GRIA2: variants seen among roughly 807,000 people sequenced by gnomAD.
The protein encoded by GRIA2 is glutamate ionotropic receptor AMPA type subunit 2.
In GRIA2, 14 loss-of-function variants were observed where a neutral mutation model predicts 97.3. The ratio of observed to expected loss-of-function variants is 0.14; its 90% confidence interval spans 0.10 to 0.23. The LOEUF (loss-of-function observed/expected upper bound fraction) is 0.23, where lower values mean the gene tolerates loss of function less well. Among genes scored for constraint, GRIA2 ranks in the 10% least tolerant of loss-of-function variants. The pLI, the probability that GRIA2 is intolerant of heterozygous loss-of-function variation, is 1.00. For missense variants in GRIA2, 558 were observed against 1,069.8 expected, an observed-to-expected ratio of 0.52 and a Z score of 6.67; for synonymous variants, 412 against 387.8, an observed-to-expected ratio of 1.06 and a Z score of -0.73.
At chr4:157,323,417 G>A (rs962903068) in intron 6 of GRIA2, among the ~76,000 whole-genome samples, 2 of 147,360 alleles carry the variant, frequency 1.4e-5, no homozygotes, top group South Asian at 2.2e-4. Context: ...AGGCTTCTGA[G>A]CAGGTAGATG....
intron 12 of GRIA2, among the ~76,000 whole-genome samples, chr4:157,353,537 G>A (rs1736112725): frequency 6.6e-6 from 1 of 151,786 alleles, no homozygotes; most frequent in East Asian, 1.9e-4. Flanking sequence ...TTAGCCAGGT[G>A]TGGTGGTGGG....
At chr4:157,319,878 A>T (rs537108894) in intron 5 of GRIA2, among the ~76,000 whole-genome samples, 1 of 152,248 alleles carries the variant, frequency 6.6e-6, no homozygotes, top group African/African-American at 2.4e-5. Flanking sequence ...AAATAAGGTG[A>T]TGAAGAAGTG....
At chr4:157,352,176 T>C (rs1736037142) in intron 12 of GRIA2, among the ~76,000 whole-genome samples, 4 of 152,224 alleles carry the variant, frequency 2.6e-5, no homozygotes, top group Non-Finnish European at 5.9e-5. Flanking sequence ...TTTTTATTTT[T>C]ACCAAAACAT....
chr4:157,299,562 A>G (rs932338840), intron 2 of GRIA2, among the ~76,000 whole-genome samples: 58 of 152,198 alleles, frequency 3.8e-4, no homozygotes, highest in African/African-American at 1.3e-3. Context: ...TTCAGCATAC[A>G]GACTGTATCA....
At chr4:157,360,168 G>A in intron 13 of GRIA2, 25 bp downstream of exon 13, 1 of 1,604,100 alleles carries the variant, frequency 6.2e-7, no homozygotes, top group Non-Finnish European at 8.5e-7. Context: ...ATAACAATAT[G>A]CTAAATGTTG....
intron 2 of GRIA2, among the ~76,000 whole-genome samples, chr4:157,298,490 T>A (rs1413381893): frequency 6.6e-6 from 1 of 151,990 alleles, no homozygotes. Context: ...TAGATATGGT[T>A]CATCAGAATA....
chr4:157,287,391 T>G (rs1337371257), intron 2 of GRIA2, among the ~76,000 whole-genome samples: 1 of 151,732 alleles, frequency 6.6e-6, no homozygotes, highest in Non-Finnish European at 1.5e-5. Context: ...CTCATTATTT[T>G]GTGTGTGGGA....
intron 2 of GRIA2, 80 bp from the exon 3 acceptor site, chr4:157,303,472 G>C (rs1733703216): frequency 7.0e-6 from 8 of 1,136,870 alleles, no homozygotes; most frequent in Non-Finnish European, 1.0e-5. Flanking sequence ...TATGTAAAAG[G>C]ACATTACGTT....
rs866604408 is a variant in GRIA2 at position 157,355,679 on chromosome 4, T to C, written c.2044-4217T>C. Among the ~76,000 whole-genome samples, 5 of 89,786 alleles carry C rather than the reference T, an allele frequency of 5.6e-5. No homozygotes were observed. The South Asian group carries it at 2.3e-3, about 42-fold the overall frequency. The allele number at this position is 89,786 out of a possible 152,430, so 58.9% of individuals were successfully genotyped here. A position where few individuals can be genotyped will look rare whatever the true frequency, so the allele number is the denominator to read the frequency against. On this transcript the variant is annotated intron_variant, in intron 12 of 15. Coordinates refer to ENST00000264426, the MANE Select transcript of GRIA2 (RefSeq NM_001083619.3). ...TTATTTATATTTATTTTTATATATT[T>C]ATTTATATATTTATTTATATATATT...
chr4:157,355,902 AATATAT>A (rs377573622), intron 12 of GRIA2, among the ~76,000 whole-genome samples: 2 of 71,076 alleles, frequency 2.8e-5, no homozygotes, highest in Admixed American at 2.6e-4. Context: ...TTTATATATA[AATATAT>A]ATATATTAAT....
At chr4:157,334,284 A>G in intron 9 of GRIA2, 164 bp downstream of exon 9, 1 of 556,062 alleles carries the variant, frequency 1.8e-6, no homozygotes, top group Non-Finnish European at 3.2e-6. Flanking sequence ...CACAAGATCT[A>G]GCTAAAGCAT....
chr4:157,321,343 T>C, intron 5 of GRIA2, 95 bp from the exon 6 acceptor site: 1 of 833,104 alleles, frequency 1.2e-6, no homozygotes, highest in Non-Finnish European at 1.9e-6. Context: ...TTCTTTGAAA[T>C]ATCTAAAACC....
intron 2 of GRIA2, among the ~76,000 whole-genome samples, chr4:157,256,351 A>G (rs1731273425): frequency 6.9e-6 from 1 of 145,484 alleles, no homozygotes; most frequent in South Asian, 2.1e-4. Flanking sequence ...AGAGGTTTCC[A>G]CTCTCACTGT....
Position 157,334,051 on chromosome 4 carries a change from T to C in GRIA2, c.1197T>C (p.Leu399=), listed in dbSNP as rs768503489. ...AAGTGGACAAAATGGTTGTTACCCT[T>C]ACTGAGCTCCCTTCTGGAAATGACA... ...WSEVDKMVVT[L]TELPSGNDTS... Residue 399 remains leucine (L), a synonymous_variant, in exon 9 of 16, where the codon CTT becomes CTC. Transcript: ENST00000264426. 1.2e-6 allele frequency: 2 copies of C among 1,610,364 alleles called. No homozygotes were observed. The highest frequency in any genetic ancestry group is 1.7e-6 in the Non-Finnish European group (2 of 1,176,988).
At chr4:157,294,425 A>G (rs1276594549) in intron 2 of GRIA2, among the ~76,000 whole-genome samples, 2 of 151,992 alleles carry the variant, frequency 1.3e-5, no homozygotes, top group Non-Finnish European at 2.9e-5. Flanking sequence ...ATTAAGACCA[A>G]TGGTGGCTAT....
At chr4:157,363,173 T>C (rs1736712702) in intron 15 of GRIA2, 126 bp downstream of exon 15, 3 of 1,051,108 alleles carry the variant, frequency 2.9e-6, no homozygotes, top group Non-Finnish European at 2.8e-6. Context: ...CGTTCTTCCA[T>C]GTTCCCAGTT....
At chr4:157,294,659 A>G in intron 2 of GRIA2, among the ~76,000 whole-genome samples, 1 of 152,136 alleles carries the variant, frequency 6.6e-6, no homozygotes, top group East Asian at 1.9e-4. Context: ...GCACTACCTG[A>G]CATTTTCTAG....
chr4:157,220,783 G>T lies in GRIA2; in HGVS notation c.-260G>T. ...AATATTCCGAGACACTGGGACCACA[G>T]CGGCAGCTCCGCTGAAAACTGCATT... On this transcript the variant is annotated 5_prime_UTR_variant, in exon 1 of 16. Transcript: ENST00000264426. 1.9e-6 allele frequency: 1 copy of T among 533,682 alleles called. No homozygotes were observed. The highest frequency in any genetic ancestry group is 3.4e-6 in the Non-Finnish European group (1 of 296,868). 33.1% of individuals were successfully genotyped at this position (533,682 alleles called of 1,614,324 possible).
At chr4:157,243,690 A>G (rs1730605376) in intron 2 of GRIA2, among the ~76,000 whole-genome samples, 1 of 152,106 alleles carries the variant, frequency 6.6e-6, no homozygotes, top group African/African-American at 2.4e-5. Context: ...TTAGAGTGCT[A>G]ACAAACATAA....
Sources: allele counts gnomAD v4.1 joint callset (sites outside exome capture counted in the v4.1 genomes callset), GRCh38; gene constraint gnomAD v4.1.1; transcripts MANE v1.5; gene names NCBI Gene and HGNC (gene_info 2026-07-23, HGNC 2026-07-21).